Variants in MCPH1 observed in about 807,000 individuals in gnomAD.
The protein encoded by MCPH1 is microcephalin 1, also known as microcephalin.
Under a neutral mutation model 84.5 loss-of-function variants are expected in MCPH1, and 104 were observed. The observed-to-expected ratio is 1.23, with a 90% CI of 1.05 to 1.45. MCPH1 has a LOEUF of 1.45. Ranked by LOEUF, MCPH1 falls within the 40% of genes most tolerant of loss-of-function variation. The pLI, the probability that MCPH1 is intolerant of heterozygous loss-of-function variation, is 0.00. For synonymous variants in MCPH1, 514 were observed against 366.8 expected, an observed-to-expected ratio of 1.40 and a Z score of -4.58; for missense variants, 1,498 against 1,005.7, an observed-to-expected ratio of 1.49 and a Z score of -6.62.
chr8:6,503,014 G>T (rs1032329642), intron 12 of MCPH1: 111 of 1,496,660 alleles, frequency 7.4e-5, no homozygotes, highest in Non-Finnish European at 9.6e-5. Context: ...GGTGGAAGAG[G>T]ACACAGTGCG....
At chr8:6,562,336 C>A (rs751278894) in intron 12 of MCPH1, among the ~76,000 whole-genome samples, 2 of 152,016 alleles carry the variant, frequency 1.3e-5, no homozygotes, top group Admixed American at 6.6e-5. Context: ...ACAAACAGAA[C>A]GGCACACAAG....
At chr8:6,406,904 A>T (rs1156472521) in intron 1 of MCPH1, among the ~76,000 whole-genome samples, 1 of 38,372 alleles carries the variant, frequency 2.6e-5, no homozygotes, top group Non-Finnish European at 5.2e-5. Context: ...TGTCCCCCCA[A>T]AACCCCCGGC....
Position 6,480,785 on chromosome 8 carries a change from C to G in MCPH1, c.2045C>G (p.Thr682Ser), listed in dbSNP as rs12674488. Reference sequence around the variant, plus strand: ...TCAATTGCACCAGACGTCTGTGAGACCACGACTCACGTGCTTTCCGGGAAG... The same window carrying G: ...TCAATTGCACCAGACGTCTGTGAGAGCACGACTCACGTGCTTTCCGGGAAG... Reference protein sequence around the residue: ...GFSIAPDVCETTTHVLSGKPL... With the variant: ...GFSIAPDVCESTTHVLSGKPL... Residue 682 changes from threonine to serine, a missense_variant, in exon 11 of 14, where the codon ACC (threonine) becomes AGC (serine). Physicochemically the swap from Thr to Ser is moderately conservative, Grantham distance 58 (BLOSUM62 1). Transcript: ENST00000344683. 1.1e-5 allele frequency: 17 copies of G among 1,614,054 alleles called. No individual in the cohort carries two copies. In the East Asian group the frequency reaches 3.6e-4, roughly 34 times the overall value.
chr8:6,428,151 A>T (rs1039329090), intron 3 of MCPH1, among the ~76,000 whole-genome samples: 2 of 152,056 alleles, frequency 1.3e-5, no homozygotes, highest in East Asian at 1.9e-4. Context: ...AATTTTTTAA[A>T]TTTTTTTACT....
chr8:6,455,246 CA>C lies in MCPH1; in HGVS notation c.1934del (p.Lys645SerfsTer6). On this transcript the variant is annotated frameshift_variant, in exon 9 of 14. Transcript: ENST00000344683. LOFTEE classifies it high-confidence loss of function. ...HEELKKSGRG[K>X]KPTRTLVMTS... ...AGGAATTGAAGAAAAGTGGGAGAGG[CA>C]AAAAGGTCAGTGTGTAAAAATATTA... is the stretch of plus-strand genomic sequence containing the variant. The C allele has an allele frequency of 2.5e-6, 4 of 1,604,964 alleles. No homozygotes were observed. The highest frequency in any genetic ancestry group is 3.4e-6 in the Non-Finnish European group (4 of 1,171,850).
At chr8:6,633,339 G>C (rs146400986) in intron 13 of MCPH1, among the ~76,000 whole-genome samples, 53 of 152,276 alleles carry the variant, frequency 3.5e-4, no homozygotes, top group African/African-American at 1.2e-3. Context: ...ATTCCTCTTT[G>C]TAAGATCCAC....
At chr8:6,594,676 C>CCTGCAGGGGACTGCAGGGGA (rs11279825) in intron 12 of MCPH1, among the ~76,000 whole-genome samples, 4,738 of 150,844 alleles carry the variant, frequency 0.031, 161 homozygotes, top group African/African-American at 0.076. Context: ...TCAGTGTTCT[C>CCTGCAGGGGACTGCAGGGGA]CTGCAGGGGA....
chr8:6,494,388 T>A (rs1352915356), intron 11 of MCPH1: 1 of 152,216 alleles, frequency 6.6e-6, no homozygotes, highest in Non-Finnish European at 1.5e-5. Context: ...ATGGCCTGTG[T>A]GTTTTGAAAA....
intron 12 of MCPH1, among the ~76,000 whole-genome samples, chr8:6,559,899 A>G (rs908236657): frequency 6.6e-6 from 1 of 152,186 alleles, no homozygotes; most frequent in Non-Finnish European, 1.5e-5. Flanking sequence ...CACAGTGAGT[A>G]AGCTGTCCTG....
chr8:6,427,524 A>G (rs559217720), intron 3 of MCPH1, among the ~76,000 whole-genome samples: 1 of 152,232 alleles, frequency 6.6e-6, no homozygotes, highest in East Asian at 1.9e-4. Flanking sequence ...GGCGTGTGCC[A>G]CTATGCCTGG....
intron 12 of MCPH1, among the ~76,000 whole-genome samples, chr8:6,546,702 G>T (rs530932528): frequency 6.6e-6 from 1 of 152,298 alleles, no homozygotes; most frequent in East Asian, 1.9e-4. Context: ...GGTCCCATGA[G>T]CTGAGAAAGT....
chr8:6,474,513 C>T (rs1319252739), intron 9 of MCPH1, among the ~76,000 whole-genome samples: 3 of 151,966 alleles, frequency 2.0e-5, no homozygotes, highest in African/African-American at 7.2e-5. Flanking sequence ...CAGAGCAAGA[C>T]CCTGTCTCTC....
chr8:6,451,364 G>T (rs567459553), intron 8 of MCPH1, among the ~76,000 whole-genome samples: 2 of 152,322 alleles, frequency 1.3e-5, no homozygotes, highest in East Asian at 3.9e-4. Context: ...AGTGAGAGAG[G>T]TAAGGTTAAT....
chr8:6,554,939 T>C (rs1427437082), intron 12 of MCPH1, among the ~76,000 whole-genome samples: 3 of 152,196 alleles, frequency 2.0e-5, no homozygotes, highest in African/African-American at 7.2e-5. Flanking sequence ...AAAGGTGATT[T>C]CATGGAGAAA....
chr8:6,632,945 GTCT>G (rs979053349), intron 13 of MCPH1, among the ~76,000 whole-genome samples: 1 of 151,792 alleles, frequency 6.6e-6, no homozygotes, highest in Non-Finnish European at 1.5e-5. Flanking sequence ...ATAGCATTAA[GTCT>G]TCTTTTTTCT....
intron 12 of MCPH1, among the ~76,000 whole-genome samples, chr8:6,569,009 C>T (rs1467409869): frequency 1.3e-5 from 2 of 152,318 alleles, no homozygotes; most frequent in Non-Finnish European, 2.9e-5. Flanking sequence ...CTCTTGGGCG[C>T]CTGGCACACT....
intron 12 of MCPH1, among the ~76,000 whole-genome samples, chr8:6,596,272 C>T (rs754332806): frequency 1.3e-5 from 2 of 152,164 alleles, no homozygotes; most frequent in Non-Finnish European, 2.9e-5. Context: ...TGCGTTTGCT[C>T]CCCTGGAAGG....
rs1004801067 is a variant in MCPH1, at chr8:6,627,229, A to T, written c.2452+5538A>T. On this transcript the variant is annotated intron_variant, in intron 13 of 13. Coordinates refer to ENST00000344683, the MANE Select transcript of MCPH1 (RefSeq NM_024596.5). ...GGCTTCCTGATTCAGTAGATATGTG[A>T]GGCTTGATCAGTCACCGCAGTCCAC... 70 of 985,232 alleles carry T rather than the reference A, an allele frequency of 7.1e-5. 2 individuals are homozygous for T. The South Asian group carries it at 3.1e-3, about 44-fold the overall frequency. The allele number at this position is 985,232 out of a possible 1,614,324, so 61.0% of individuals were successfully genotyped here. A position where few individuals can be genotyped will look rare whatever the true frequency, so the allele number is the denominator to read the frequency against.
At chr8:6,487,898 G>C (rs1485427893) in intron 11 of MCPH1, among the ~76,000 whole-genome samples, 1 of 152,212 alleles carries the variant, frequency 6.6e-6, no homozygotes, top group Non-Finnish European at 1.5e-5. Context: ...TAGTGATGGA[G>C]ACTCTGGGCA....
Sources: gnomAD v4.1 joint callset for allele counts (sites outside exome capture counted in the v4.1 genomes callset) on GRCh38, gnomAD v4.1.1 for gene constraint, MANE v1.5 for transcripts, NCBI Gene and HGNC (gene_info 2026-07-23, HGNC 2026-07-21) for gene names.